CIMAP2: variants seen among roughly 807,000 people sequenced by gnomAD.
The protein encoded by CIMAP2 is ciliary microtubule associated protein 2, also known as ciliary microtubule-associated protein 2.
chr1:54,819,647 A>C, the CIMAP2 span, among the ~76,000 whole-genome samples: 592 of 152,238 alleles, frequency 3.9e-3, 4 homozygotes, highest in African/African-American at 0.012. Context: ...CTGGGATTAT[A>C]GACATGAGCC....
the CIMAP2 span, among the ~76,000 whole-genome samples, chr1:54,830,954 A>G: frequency 5.3e-5 from 8 of 152,054 alleles, no homozygotes; most frequent in Non-Finnish European, 8.8e-5. This position sits in a 1 kb window ranked among gnomAD's most constrained non-coding sequence, Gnocchi z 4.1. Context: ...TAACATTTTT[A>G]TTCCTTTACT....
At chr1:54,816,536 C>T in the CIMAP2 span, among the ~76,000 whole-genome samples, 2 of 152,158 alleles carry the variant, frequency 1.3e-5, no homozygotes, top group Non-Finnish European at 2.9e-5. Flanking sequence ...GTTCTGGAGG[C>T]GAGAAGTCTG....
the CIMAP2 span, among the ~76,000 whole-genome samples, chr1:54,834,231 T>C: frequency 2.6e-5 from 4 of 152,354 alleles, no homozygotes; most frequent in East Asian, 7.7e-4. Flanking sequence ...GAGTCTTCCC[T>C]GATTTTTTTC....
the CIMAP2 span, among the ~76,000 whole-genome samples, chr1:54,827,796 A>G: frequency 6.6e-6 from 1 of 152,212 alleles, no homozygotes; most frequent in East Asian, 1.9e-4. Flanking sequence ...ACTTATTTAT[A>G]TAAGGAAAAA....
At chr1:54,829,059 A>G in the CIMAP2 span, among the ~76,000 whole-genome samples, 1 of 152,246 alleles carries the variant, frequency 6.6e-6, no homozygotes, top group East Asian at 1.9e-4. Context: ...TAAGCACCAC[A>G]CTGTTGGCCA....
the CIMAP2 span, chr1:54,842,055 C>CT: frequency 1.6e-6 from 1 of 629,474 alleles, no homozygotes; most frequent in Non-Finnish European, 2.8e-6. Flanking sequence ...GTCACAGTGT[C>CT]TTCCGGGACA....
At chr1:54,837,535 G>A in the CIMAP2 span, among the ~76,000 whole-genome samples, 2 of 152,130 alleles carry the variant, frequency 1.3e-5, no homozygotes, top group African/African-American at 4.8e-5. Context: ...GCACAGCAGG[G>A]TACTGCTGGC....
chr1:54,827,659 A>T, the CIMAP2 span, among the ~76,000 whole-genome samples: 1 of 152,200 alleles, frequency 6.6e-6, no homozygotes, highest in Non-Finnish European at 1.5e-5. Context: ...AGAGTCCATT[A>T]TGAGGACTGA....
At chr1:54,830,764 T>C in the CIMAP2 span, among the ~76,000 whole-genome samples, 2 of 152,358 alleles carry the variant, frequency 1.3e-5, no homozygotes, top group African/African-American at 4.8e-5. The surrounding 1 kb of genome is among the most constrained non-coding windows in gnomAD (Gnocchi z 4.1). Context: ...TACCTAGTGC[T>C]GCCAATTCCT....
chr1:54,839,392 C>G, the CIMAP2 span, among the ~76,000 whole-genome samples: 1 of 668 alleles, frequency 1.5e-3, no homozygotes, highest in Non-Finnish European at 4.9e-3. Flanking sequence ...ATTTATTTTT[C>G]GAGACAGTTT....
At chr1:54,813,877 A>G in the CIMAP2 span, 1 of 1,613,974 alleles carries the variant, frequency 6.2e-7, no homozygotes. Flanking sequence ...CTCACATCAC[A>G]ATAAGAAGCA....
At chr1:54,833,372 G>A in the CIMAP2 span, among the ~76,000 whole-genome samples, 1 of 152,168 alleles carries the variant, frequency 6.6e-6, no homozygotes, top group Non-Finnish European at 1.5e-5. Context: ...GGTCCTTGGT[G>A]GCAAAACACA....
chr1:54,811,765 G>GCCGGGGGGGGGGCGGGCCCCC, the CIMAP2 span: 1 of 1,301,328 alleles, frequency 7.7e-7, no homozygotes, highest in Non-Finnish European at 1.1e-6. Context: ...GGTTCTGACA[G>GCCGGGGGGGGGGCGGGCCCCC]CCTCCATGCC....
the CIMAP2 span, chr1:54,817,118 A>G: frequency 1.9e-6 from 3 of 1,613,976 alleles, no homozygotes; most frequent in South Asian, 1.1e-5. Flanking sequence ...GGACATGCTC[A>G]TGCAGTGAGT....
At chr1:54,836,882 CGA>C in the CIMAP2 span, among the ~76,000 whole-genome samples, 1 of 151,978 alleles carries the variant, frequency 6.6e-6, no homozygotes, top group Non-Finnish European at 1.5e-5. Flanking sequence ...TGGGATCAGC[CGA>C]GTCTTGATGG....
the CIMAP2 span, chr1:54,815,002 C>A: frequency 6.2e-7 from 1 of 1,614,148 alleles, no homozygotes; most frequent in Non-Finnish European, 8.5e-7. Context: ...TCCAAGGGGT[C>A]AGGTGCAAAG....
At chr1:54,811,766 C>CGGGGGGGGGGGGGCGG in the CIMAP2 span, 2 of 1,305,186 alleles carry the variant, frequency 1.5e-6, no homozygotes, top group African/African-American at 1.5e-5. Context: ...GTTCTGACAG[C>CGGGGGGGGGGGGGCGG]CTCCATGCCC....
the CIMAP2 span, among the ~76,000 whole-genome samples, chr1:54,830,127 A>G: frequency 6.6e-6 from 1 of 152,224 alleles, no homozygotes; most frequent in Non-Finnish European, 1.5e-5. This position sits in a 1 kb window ranked among gnomAD's most constrained non-coding sequence, Gnocchi z 4.1. Context: ...TGGCTGTCCA[A>G]GCTCTAGGAT....
At chr1:54,811,766 C>CGGGGGGGGGGGCGGG in the CIMAP2 span, 2 of 1,305,186 alleles carry the variant, frequency 1.5e-6, no homozygotes, top group Non-Finnish European at 2.2e-6. Flanking sequence ...GTTCTGACAG[C>CGGGGGGGGGGGCGGG]CTCCATGCCC....
Sources: allele counts gnomAD v4.1 joint callset (sites outside exome capture counted in the v4.1 genomes callset), GRCh38; gene constraint gnomAD v4.1.1; non-coding constraint Gnocchi (gnomAD v3.1); transcripts MANE v1.5; gene names NCBI Gene and HGNC (gene_info 2026-07-23, HGNC 2026-07-21).